Variants in SNX30 observed in about 807,000 individuals in gnomAD.
The protein encoded by SNX30 is sorting nexin-30.
A neutral mutation model predicts 46.4 loss-of-function variants in SNX30; 24 were observed. The ratio of observed to expected loss-of-function variants is 0.52; its 90% CI spans 0.37 to 0.73. The LOEUF is 0.73. Ranked by LOEUF, SNX30 falls within the 30% of genes least tolerant of loss-of-function variation. The probability of loss-of-function intolerance (pLI) is 0.00; values close to 1 mark genes in which losing one functional copy is unlikely to be tolerated. For missense variants in SNX30, 533 were observed against 555.7 expected, an observed-to-expected ratio of 0.96 and a Z score of 0.41; for synonymous variants, 189 against 211.5, an observed-to-expected ratio of 0.89 and a Z score of 0.92.
intron 7 of SNX30, among the ~76,000 whole-genome samples, chr9:112,859,813 C>G: frequency 6.6e-6 from 1 of 151,354 alleles, no homozygotes; most frequent in Non-Finnish European, 1.5e-5. Flanking sequence ...GGCCTATTTT[C>G]TGTTTTTGTT....
chr9:112,757,363 T>C (rs1214344235), intron 1 of SNX30, among the ~76,000 whole-genome samples: 1 of 152,258 alleles, frequency 6.6e-6, no homozygotes. Context: ...CAGTTTTGTG[T>C]GTACACACAC....
intron 2 of SNX30, among the ~76,000 whole-genome samples, chr9:112,811,877 T>C (rs1840325812): frequency 6.6e-6 from 1 of 152,220 alleles, no homozygotes; most frequent in Non-Finnish European, 1.5e-5. Flanking sequence ...GAGATAAATG[T>C]ATATTTTTAA....
chr9:112,804,681 T>C, intron 1 of SNX30, 95 bp from the exon 2 acceptor site: 6 of 1,158,534 alleles, frequency 5.2e-6, no homozygotes, highest in Non-Finnish European at 6.0e-6. Context: ...TTTTGGGTTT[T>C]AGAAATGTTT....
At chr9:112,835,334 T>G (rs1435606713) in intron 4 of SNX30, among the ~76,000 whole-genome samples, 2 of 152,122 alleles carry the variant, frequency 1.3e-5, no homozygotes, top group Non-Finnish European at 2.9e-5. Context: ...GCTAATATGC[T>G]TTTCTTTTTT....
chr9:112,815,359 C>G (rs1457037036), intron 2 of SNX30, among the ~76,000 whole-genome samples: 1 of 140,710 alleles, frequency 7.1e-6, no homozygotes, highest in Non-Finnish European at 1.6e-5. Flanking sequence ...AATAGTGTAA[C>G]TTTTTTTTTT....
intron 1 of SNX30, among the ~76,000 whole-genome samples, chr9:112,778,344 C>G (rs899534060): frequency 6.8e-6 from 1 of 147,644 alleles, no homozygotes; most frequent in African/African-American, 2.5e-5. Context: ...GCGATCCCGG[C>G]TCACTGCAAC....
downstream of SNX30, chr9:112,879,930 T>C (rs1402312218): frequency 1.4e-5 from 13 of 959,418 alleles, no homozygotes; most frequent in Non-Finnish European, 1.8e-5. Flanking sequence ...GGCAAAATCA[T>C]AGGTAGGCAT....
intron 1 of SNX30, among the ~76,000 whole-genome samples, chr9:112,756,134 A>T (rs1261693604): frequency 3.3e-5 from 5 of 152,220 alleles, no homozygotes; most frequent in African/African-American, 1.2e-4. Context: ...ATTAAGATAC[A>T]GAATATTACA....
At chr9:112,839,164 G>A (rs1239326520) in intron 6 of SNX30, among the ~76,000 whole-genome samples, 1 of 152,192 alleles carries the variant, frequency 6.6e-6, no homozygotes, top group Non-Finnish European at 1.5e-5. Flanking sequence ...TAATCCCAAA[G>A]GTTCAGCATC....
intron 4 of SNX30, among the ~76,000 whole-genome samples, chr9:112,832,111 C>T (rs1164883995): frequency 1.3e-5 from 2 of 152,134 alleles, no homozygotes; most frequent in Non-Finnish European, 1.5e-5. Context: ...TTTTTATAAC[C>T]TCAGTTGGCA....
chr9:112,828,017 C>T (rs1314918837), intron 3 of SNX30, among the ~76,000 whole-genome samples: 2 of 152,198 alleles, frequency 1.3e-5, no homozygotes, highest in African/African-American at 2.4e-5. Context: ...ATCATGCACA[C>T]GTTCACAGGC....
intron 8 of SNX30, among the ~76,000 whole-genome samples, chr9:112,865,005 C>CA (rs1564296750): frequency 1.5e-4 from 22 of 144,636 alleles, no homozygotes; most frequent in Admixed American, 2.7e-4. Context: ...ACACACACAC[C>CA]CACACACCCC....
At position 112,874,011 on chromosome 9, in the gene SNX30, T is replaced by C. The variant is rs1841484565; in HGVS notation, c.*5168T>C. The C allele has an allele frequency of 6.6e-6, 1 of 152,246 alleles. No individual in the cohort carries two copies. Among genetic ancestry groups the C allele is most frequent in the African/African-American group, 2.4e-5 (1 of 41,448 alleles). The allele number at this position is 152,246 out of a possible 1,614,324, so 9.4% of individuals were successfully genotyped here. A position where few individuals can be genotyped will look rare whatever the true frequency, so the allele number is the denominator to read the frequency against. On this transcript the variant is annotated 3_prime_UTR_variant, in exon 9 of 9. Coordinates refer to ENST00000374232, the MANE Select transcript of SNX30 (RefSeq NM_001012994.2). ...AGGTGGTTCTGGGCTCTCTGTAGGC[T>C]GGTCCTAGTAGGTGACACCCAGCAA... is the stretch of plus-strand genomic sequence containing the variant.
At chr9:112,776,657 T>G (rs1839752560) in intron 1 of SNX30, among the ~76,000 whole-genome samples, 1 of 152,228 alleles carries the variant, frequency 6.6e-6, no homozygotes, top group South Asian at 2.1e-4. Context: ...TGTACATGTA[T>G]GTATAGGCAG....
Position 112,793,797 on chromosome 9 carries a change from G to GTTTTT in SNX30, c.157-10977_157-10973dup, listed in dbSNP as rs200559435. Among the ~76,000 whole-genome samples, 209 of 137,070 alleles carry GTTTTT rather than the reference G, an allele frequency of 1.5e-3. 1 individual carries two copies. The highest frequency in any genetic ancestry group is 2.3e-3 in the Non-Finnish European group (147 of 64,004). 89.9% of individuals were successfully genotyped at this position (137,070 alleles called of 152,430 possible). A position where few individuals can be genotyped will look rare whatever the true frequency, so the allele number is the denominator to read the frequency against. Reference sequence around the variant, plus strand: ...TTTTCTTGTTCTTTTTACCTCCACTGTTTTTTGTTTTTTTTTTTTTCTTTC... The same window carrying GTTTTT: ...TTTTCTTGTTCTTTTTACCTCCACTGTTTTTTTTTTTGTTTTTTTTTTTTTCTTTC... On this transcript the variant is annotated intron_variant, in intron 1 of 8. Coordinates refer to ENST00000374232, the MANE Select transcript of SNX30 (RefSeq NM_001012994.2).
At chr9:112,853,627 A>G (rs564470530) in intron 7 of SNX30, among the ~76,000 whole-genome samples, 1 of 152,264 alleles carries the variant, frequency 6.6e-6, no homozygotes, top group Non-Finnish European at 1.5e-5. Flanking sequence ...CAGAAAACAA[A>G]TAACTGCATG....
At chr9:112,771,120 GGTT>G (rs556411735) in intron 1 of SNX30, among the ~76,000 whole-genome samples, 185 of 3,490 alleles carry the variant, frequency 0.053, 1 homozygote, top group African/African-American at 0.088. Flanking sequence ...AGACATACTT[GGTT>G]TACTTTCTCC....
downstream of SNX30, among the ~76,000 whole-genome samples, chr9:112,884,476 A>G (rs1041023158): frequency 6.6e-6 from 1 of 152,222 alleles, no homozygotes; most frequent in Admixed American, 6.5e-5. Context: ...CGGAAAGGAA[A>G]GTAATGGAAA....
chr9:112,786,966 C>G (rs1008255519), intron 1 of SNX30, among the ~76,000 whole-genome samples: 6 of 152,002 alleles, frequency 3.9e-5, no homozygotes, highest in African/African-American at 1.2e-4. Flanking sequence ...TTTTTCTTTT[C>G]CAGTGAACAC....
Sources: allele counts gnomAD v4.1 joint callset (sites outside exome capture counted in the v4.1 genomes callset), GRCh38; gene constraint gnomAD v4.1.1; transcripts MANE v1.5; gene names NCBI Gene and HGNC (gene_info 2026-07-23, HGNC 2026-07-21).